The following ZDHHC11 variants were observed in gnomAD, a reference collection of about 807,000 sequenced individuals.
ZDHHC11 encodes zDHHC palmitoyltransferase 11, also known as palmitoyltransferase ZDHHC11.
ZDHHC11 carries 44 observed loss-of-function variants against 51.3 expected under a neutral mutation model. That is an observed-to-expected ratio of 0.86 (90% CI 0.67 to 1.10). ZDHHC11 has a LOEUF of 1.10. ZDHHC11 is among the 50% of genes least tolerant of loss of function. ZDHHC11 has a pLI of 0.00. For missense variants in ZDHHC11, 400 were observed against 537.7 expected, an observed-to-expected ratio of 0.74 and a Z score of 2.53; for synonymous variants, 163 against 222.0, an observed-to-expected ratio of 0.73 and a Z score of 2.36.
chr5:850,136 T>C (rs1746934268), intron 1 of ZDHHC11, among the ~76,000 whole-genome samples: 1 of 152,174 alleles, frequency 6.6e-6, no homozygotes, highest in Admixed American at 6.5e-5. Flanking sequence ...GGGGCTGCTG[T>C]CCCTCCTGAC....
intron 5 of ZDHHC11, among the ~76,000 whole-genome samples, chr5:838,602 C>T (rs1374201497): frequency 1.3e-4 from 20 of 152,120 alleles, no homozygotes; most frequent in African/African-American, 4.6e-4. Flanking sequence ...CTCTGGGTCA[C>T]GGGGGTGGGG....
chr5:842,607 G>C, intron 4 of ZDHHC11: 2 of 986,032 alleles, frequency 2.0e-6, no homozygotes, highest in Non-Finnish European at 2.4e-6. Flanking sequence ...GGCTGAGACT[G>C]GCAGTCTTGT....
chr5:816,621 T>C (rs1035068578), intron 10 of ZDHHC11: 4 of 628,218 alleles, frequency 6.4e-6, no homozygotes, highest in Non-Finnish European at 1.2e-5. Flanking sequence ...TCCTGTTGCT[T>C]TGCCATAGTG....
rs373171758 is a variant in ZDHHC11 at position 825,143 on chromosome 5, T to G, written c.1023+21A>C. 8.3e-5 allele frequency: 133 copies of G among 1,604,598 alleles called. No individual in the cohort carries two copies. In the African/African-American group the frequency reaches 1.6e-3, roughly 19 times the overall value. On this transcript the variant is annotated intron_variant, in intron 8 of 12. Transcript: ENST00000283441. ...CACACGGCCCTGACCTCGGGGTGCA[T>G]CGCTGGTGACTGCAACTTACCCGTG...
At chr5:855,701 G>A (rs112858670), upstream of ZDHHC11, among the ~76,000 whole-genome samples, 2,021 of 143,898 alleles carry the variant, frequency 0.014, 45 homozygotes, top group African/African-American at 0.049. Flanking sequence ...ACAGTGAGCC[G>A]GGGGGACAGA....
In ZDHHC11 at chr5:819,607, T is replaced by G. The variant is rs1264817107; in HGVS notation, c.1064A>C (p.Lys355Thr). ...EDPCPSALGA[K>T]ARNSRLICRR... is the part of the protein sequence containing the mutation. Reference sequence around the variant, plus strand: ...GCAAATCAGCCGGGAGTTCCTGGCCTTGGCTCTGGTGGGGCAAACAGAAGG... The same window carrying G: ...GCAAATCAGCCGGGAGTTCCTGGCCGTGGCTCTGGTGGGGCAAACAGAAGG... The change falls in exon 10 of 13, where the codon AAG becomes ACG. Residue 355 changes from lysine (K) to threonine (T), a missense_variant. By Grantham distance (78) the Lys-to-Thr change is moderately conservative. Transcript: ENST00000283441. 1.2e-6 allele frequency: 2 copies of G among 1,609,012 alleles called. No individual in the cohort carries two copies. The highest frequency in any genetic ancestry group is 2.7e-5 in the African/African-American group (2 of 74,708).
chr5:801,519 CCTT>C (rs766917202), intron 11 of ZDHHC11, among the ~76,000 whole-genome samples: 54 of 151,758 alleles, frequency 3.6e-4, no homozygotes, highest in Admixed American at 7.9e-4. Context: ...ATGCCTGGTA[CCTT>C]CTTCTCACAA....
chr5:856,408 A>T (rs1284952728), intron 1 of ZDHHC11, among the ~76,000 whole-genome samples: 1 of 151,292 alleles, frequency 6.6e-6, no homozygotes, highest in Non-Finnish European at 1.5e-5. Context: ...ACACAACACA[A>T]ACCACAAAAC....
At chr5:815,635 T>C (rs1740685457) in intron 10 of ZDHHC11, among the ~76,000 whole-genome samples, 1 of 151,096 alleles carries the variant, frequency 6.6e-6, no homozygotes, top group South Asian at 2.1e-4. Flanking sequence ...GGGGTGAGAG[T>C]GTTGGGTCAT....
At chr5:840,713 C>A (rs536332836) in intron 4 of ZDHHC11, 63 bp from the exon 5 acceptor site, 6 of 1,604,130 alleles carry the variant, frequency 3.7e-6, no homozygotes, top group Non-Finnish European at 5.1e-6. Context: ...ATCAGGTGGA[C>A]GTCACAGACC....
Position 850,867 on chromosome 5 carries a change from C to G in ZDHHC11, c.-265G>C. 1.9e-6 allele frequency: 1 copy of G among 526,354 alleles called. No individual in the cohort carries two copies. The highest frequency in any genetic ancestry group is 2.3e-5 in the South Asian group (1 of 42,722). 32.6% of individuals were successfully genotyped at this position (526,354 alleles called of 1,614,324 possible). A position where few individuals can be genotyped will look rare whatever the true frequency, so the allele number is the denominator to read the frequency against. ...AGCCGAGTGGCAACGGAAAACGGCT[C>G]TCCAGGGTGTGGAGGACCCAGTGCC... On this transcript the variant is annotated 5_prime_UTR_variant, in exon 1 of 13. Transcript: ENST00000283441.
chr5:831,568 G>A lies in ZDHHC11; in HGVS notation c.935+2205C>T, dbSNP rs375496072. On this transcript the variant is annotated intron_variant, in intron 7 of 12. Transcript: ENST00000283441. ...CCTGCACTCCAGCCTGGGTGACAGAGTGAGACTCTGTCTCAAACAAACAAA... is the reference window on the plus strand; with the variant it reads ...CCTGCACTCCAGCCTGGGTGACAGAATGAGACTCTGTCTCAAACAAACAAA... Among the ~76,000 whole-genome samples the A allele has an allele frequency of 2.5e-4, 37 of 146,206 alleles. 2 individuals are homozygous for A. In the South Asian group the frequency reaches 7.7e-3, roughly 30 times the overall value.
chr5:848,861 G>A (rs1254435112), intron 1 of ZDHHC11, among the ~76,000 whole-genome samples: 1 of 140,712 alleles, frequency 7.1e-6, no homozygotes, highest in South Asian at 2.3e-4. Context: ...AGCCCTGTTC[G>A]CCTGGCCCTG....
At chr5:829,534 A>AC (rs1271284247) in intron 7 of ZDHHC11, among the ~76,000 whole-genome samples, 1 of 151,708 alleles carries the variant, frequency 6.6e-6, no homozygotes, top group Non-Finnish European at 1.5e-5. Context: ...AATATCCAGG[A>AC]TGTATTCACA....
At chr5:841,677 T>A (rs1347146494) in intron 4 of ZDHHC11, 1 of 990,824 alleles carries the variant, frequency 1.0e-6, no homozygotes, top group Non-Finnish European at 1.2e-6. Flanking sequence ...AAGCCACAGC[T>A]CTCGCCTGGG....
At chr5:828,278 G>C (rs1458686520) in intron 7 of ZDHHC11, among the ~76,000 whole-genome samples, 2 of 151,430 alleles carry the variant, frequency 1.3e-5, no homozygotes, top group Admixed American at 6.6e-5. Flanking sequence ...GGTGGTGGCC[G>C]GGCAGAGGGG....
intron 3 of ZDHHC11, among the ~76,000 whole-genome samples, chr5:845,873 C>CT (rs1746075581): frequency 2.7e-5 from 4 of 149,532 alleles, no homozygotes; most frequent in Admixed American, 2.6e-4. Context: ...GGTGTCTACA[C>CT]TTGGCACCCA....
At chr5:822,021 G>A in intron 8 of ZDHHC11, 126 bp from the exon 9 acceptor site, 1 of 801,884 alleles carries the variant, frequency 1.2e-6, no homozygotes, top group Admixed American at 2.7e-5. Context: ...AAGGTTGCCT[G>A]GATCATGGAA....
intron 3 of ZDHHC11, 101 bp downstream of exon 3, chr5:847,413 A>AC: frequency 6.5e-7 from 1 of 1,531,138 alleles, no homozygotes; most frequent in South Asian, 1.2e-5. Context: ...CCCCAAGAGG[A>AC]CCCTCCACCC....
Sources: gnomAD v4.1 joint callset for allele counts (sites outside exome capture counted in the v4.1 genomes callset) on GRCh38, gnomAD v4.1.1 for gene constraint, MANE v1.5 for transcripts, NCBI Gene and HGNC (gene_info 2026-07-23, HGNC 2026-07-21) for gene names.